Variants in NLGN4X observed in about 807,000 individuals in gnomAD.
The protein encoded by NLGN4X is neuroligin-4, X-linked.
NLGN4X carries 3 observed loss-of-function variants against 40.3 expected under a neutral mutation model. That is an observed-to-expected ratio of 0.07 (90% CI 0.03 to 0.19). The LOEUF (loss-of-function observed/expected upper bound fraction) is 0.19, where lower values mean the gene tolerates loss of function less well. Ranked by LOEUF, NLGN4X falls within the 10% of genes least tolerant of loss-of-function variation. The probability of loss-of-function intolerance (pLI) is 1.00; values close to 1 mark genes in which losing one functional copy is unlikely to be tolerated. For missense variants in NLGN4X, 382 were observed against 708.3 expected (o/e 0.54, Z 5.23); for synonymous variants, 270 against 306.8 (o/e 0.88, Z 1.25).
intron 2 of NLGN4X, among the ~76,000 whole-genome samples, chrX:6,134,220 A>T (rs1361409052): frequency 3.6e-5 from 4 of 111,921 alleles, no homozygotes; most frequent in African/African-American, 1.3e-4. Context: ...ACTACACTTC[A>T]TACGGTTGGC....
At position 6,064,275 on chromosome X, in the gene NLGN4X, C is replaced by CAAT. The variant is rs745990409; in HGVS notation, c.473-34846_473-34844dup. On this transcript the variant is annotated intron_variant, in intron 2 of 5. Coordinates refer to ENST00000381095, the MANE Select transcript of NLGN4X (RefSeq NM_181332.3). ...TTATCGACTCTACATGACAGCAAAT[C>CAAT]AATAATGAAGCCACACAGCGGGGAA... 2.7e-5 allele frequency among the ~76,000 whole-genome samples: 3 copies of CAAT among 111,239 alleles called. No individual in the cohort carries two copies. In the East Asian group the frequency reaches 8.5e-4, roughly 32 times the overall value.
At chrX:5,971,890 A>C (rs1037767848) in intron 3 of NLGN4X, among the ~76,000 whole-genome samples, 1 of 111,709 alleles carries the variant, frequency 9.0e-6, no homozygotes, top group Non-Finnish European at 1.9e-5. Flanking sequence ...GTGCATAGAA[A>C]AAGTGAAGGA....
intron 1 of NLGN4X, among the ~76,000 whole-genome samples, chrX:6,208,114 C>T (rs1237113694): frequency 9.0e-6 from 1 of 111,671 alleles, no homozygotes; most frequent in East Asian, 2.8e-4. Context: ...TCTGGTGTTC[C>T]CATTGATGTT....
intron 1 of NLGN4X, among the ~76,000 whole-genome samples, chrX:6,152,538 C>G (rs2040187019): frequency 9.0e-6 from 1 of 111,651 alleles, no homozygotes; most frequent in Admixed American, 9.5e-5. Context: ...AGCATGCATC[C>G]AAGTCAATCT....
chrX:6,123,407 A>T (rs1426825924), intron 2 of NLGN4X, among the ~76,000 whole-genome samples: 1 of 112,011 alleles, frequency 8.9e-6, no homozygotes, highest in African/African-American at 3.2e-5. Flanking sequence ...AAATCCACTT[A>T]CATCACAGAA....
chrX:5,921,369 C>T (rs911440293), intron 3 of NLGN4X, among the ~76,000 whole-genome samples: 2 of 92,490 alleles, frequency 2.2e-5, no homozygotes, highest in African/African-American at 8.0e-5. Context: ...CACTGTATGA[C>T]TCAGCGGCAT....
chrX:5,968,457 C>CTGTGTGTGTGTGTG (rs529573810), intron 3 of NLGN4X, among the ~76,000 whole-genome samples: 2 of 47,020 alleles, frequency 4.3e-5, no homozygotes, highest in Non-Finnish European at 7.2e-5. Context: ...CTCTCTCTCT[C>CTGTGTGTGTGTGTG]TGTGTGTGTG....
intron 3 of NLGN4X, among the ~76,000 whole-genome samples, chrX:5,978,891 A>G (rs72627597): frequency 0.17 from 18,816 of 110,734 alleles, 1,198 homozygotes; most frequent in East Asian, 0.27. Flanking sequence ...GAACTGCTTG[A>G]ACCCAGGAGG....
intron 2 of NLGN4X, among the ~76,000 whole-genome samples, chrX:6,088,442 G>A (rs1369025861): frequency 9.0e-6 from 1 of 111,729 alleles, no homozygotes; most frequent in Non-Finnish European, 1.9e-5. Flanking sequence ...GTTCTTCTCC[G>A]CATTTATTCA....
chrX:6,037,748 C>T (rs1467025744), intron 2 of NLGN4X, among the ~76,000 whole-genome samples: 14 of 41,029 alleles, frequency 3.4e-4, no homozygotes, highest in Admixed American at 8.0e-4. Flanking sequence ...AAGTTGCATA[C>T]GGCGGGGGGT....
chrX:6,034,275 A>G (rs1220734414), intron 2 of NLGN4X, among the ~76,000 whole-genome samples: 1 of 111,967 alleles, frequency 8.9e-6, no homozygotes, highest in Non-Finnish European at 1.9e-5. Context: ...TTTACTTAGC[A>G]TATGTTTTCA....
intron 3 of NLGN4X, among the ~76,000 whole-genome samples, chrX:5,946,336 C>T (rs113593600): frequency 1.1e-3 from 124 of 112,015 alleles, no homozygotes; most frequent in African/African-American, 3.7e-3. Context: ...GTATCTATTA[C>T]ACTTCTTTTA....
At chrX:5,919,730 C>T (rs190696693) in intron 3 of NLGN4X, among the ~76,000 whole-genome samples, 174 of 111,619 alleles carry the variant, frequency 1.6e-3, no homozygotes, top group African/African-American at 5.2e-3. Context: ...GCCTGATGAT[C>T]TGAGGTGGAA....
At chrX:5,979,715 A>AAT (rs36055906) in intron 3 of NLGN4X, among the ~76,000 whole-genome samples, 49,895 of 83,976 alleles carry the variant, frequency 0.59, 12,596 homozygotes, top group Non-Finnish European at 0.67. Context: ...CTCCTTTTAG[A>AAT]ATATATATAT....
chrX:5,946,657 A>G (rs966802122), intron 3 of NLGN4X, among the ~76,000 whole-genome samples: 1 of 111,615 alleles, frequency 9.0e-6, no homozygotes, highest in African/African-American at 3.3e-5. Context: ...GACCGCCCAT[A>G]AATGTAGTGG....
intron 3 of NLGN4X, among the ~76,000 whole-genome samples, chrX:5,962,288 T>C (rs2034687231): frequency 8.9e-6 from 1 of 112,227 alleles, no homozygotes; most frequent in Non-Finnish European, 1.9e-5. Flanking sequence ...GCATACTGCA[T>C]GCATCATTGG....
chrX:6,168,768 G>A (rs1391669700), intron 1 of NLGN4X, among the ~76,000 whole-genome samples: 1 of 111,569 alleles, frequency 9.0e-6, no homozygotes, highest in Admixed American at 9.6e-5. Flanking sequence ...CACTGCACCT[G>A]TCCTTTTTAT....
intron 1 of NLGN4X, among the ~76,000 whole-genome samples, chrX:6,221,263 T>C (rs1249922499): frequency 9.6e-6 from 1 of 104,200 alleles, no homozygotes; most frequent in African/African-American, 3.5e-5. Flanking sequence ...TTAATTTTTG[T>C]TTCTTTGTGG....
intron 3 of NLGN4X, among the ~76,000 whole-genome samples, chrX:6,012,225 C>T (rs974379988): frequency 3.6e-5 from 4 of 112,532 alleles, no homozygotes; most frequent in African/African-American, 9.7e-5. Context: ...TATAGCTTTG[C>T]GTATTGCTGG....
Sources: gnomAD v4.1 joint callset for allele counts (sites outside exome capture counted in the v4.1 genomes callset) on GRCh38, gnomAD v4.1.1 for gene constraint, MANE v1.5 for transcripts, NCBI Gene and HGNC (gene_info 2026-07-23, HGNC 2026-07-21) for gene names.